The following BIN3 variants were observed in gnomAD, a reference collection of about 807,000 sequenced individuals.
BIN3 encodes the protein bridging integrator 3.
Under a neutral mutation model 38.2 loss-of-function variants are expected in BIN3, and 41 were observed. The ratio of observed to expected loss-of-function variants is 1.07; its 90% CI spans 0.84 to 1.39. BIN3 has a LOEUF of 1.39. Ranked by LOEUF, BIN3 falls within the 40% of genes most tolerant of loss-of-function variation. BIN3 has a pLI of 0.00. For missense variants in BIN3, 361 were observed against 324.3 expected (o/e 1.11, Z -0.87); for synonymous variants, 145 against 122.6 (o/e 1.18, Z -1.21).
chr8:22,623,866 C>T (rs1801920003), intron 8 of BIN3, 49 bp downstream of exon 8: 1 of 1,589,568 alleles, frequency 6.3e-7, no homozygotes, highest in Admixed American at 1.7e-5. Context: ...CAGGGAGTGG[C>T]ATGAGCTGTG....
intron 1 of BIN3, among the ~76,000 whole-genome samples, chr8:22,656,203 T>TAA (rs1563980288): frequency 3.2e-4 from 47 of 149,042 alleles, no homozygotes; most frequent in African/African-American, 1.1e-3. Flanking sequence ...CAAGCCTTTT[T>TAA]ATCTCCCTTG....
chr8:22,666,965 G>C (rs1803441424), intron 1 of BIN3, among the ~76,000 whole-genome samples: 2 of 152,192 alleles, frequency 1.3e-5, no homozygotes, highest in Admixed American at 1.3e-4. Context: ...GAGTGAATCA[G>C]AAGGACCCAG....
At chr8:22,644,336 C>G (rs1054471402) in intron 2 of BIN3, among the ~76,000 whole-genome samples, 2 of 152,250 alleles carry the variant, frequency 1.3e-5, no homozygotes, top group Non-Finnish European at 2.9e-5. Flanking sequence ...GCCGAGGCCA[C>G]TGGGAAAAGC....
intron 6 of BIN3, chr8:22,625,494 A>C: frequency 1.5e-6 from 1 of 688,100 alleles, no homozygotes; most frequent in Non-Finnish European, 2.7e-6. Flanking sequence ...ATAGGCACTC[A>C]GAGTTGAGAG....
chr8:22,658,473 G>A (rs1438093017), intron 1 of BIN3, among the ~76,000 whole-genome samples: 1 of 152,236 alleles, frequency 6.6e-6, no homozygotes, highest in East Asian at 1.9e-4. Flanking sequence ...CCCTGCTCTT[G>A]TGTAATGTCT....
chr8:22,630,419 A>G, intron 5 of BIN3, 23 bp downstream of exon 5: 4 of 1,612,992 alleles, frequency 2.5e-6, no homozygotes, highest in South Asian at 1.1e-5. Flanking sequence ...ATGCTTGCCC[A>G]CCCCACACCA....
chr8:22,650,138 A>T (rs924323998), intron 1 of BIN3, among the ~76,000 whole-genome samples: 3 of 152,184 alleles, frequency 2.0e-5, no homozygotes, highest in African/African-American at 7.2e-5. Flanking sequence ...TTTTTCTTCT[A>T]TTATGAACAA....
At chr8:22,654,283 G>C (rs533474527) in intron 1 of BIN3, among the ~76,000 whole-genome samples, 4 of 152,262 alleles carry the variant, frequency 2.6e-5, no homozygotes, top group African/African-American at 4.8e-5. Flanking sequence ...GGATTTGTGA[G>C]GGAGATAAAT....
At chr8:22,636,045 G>T (rs1176849466) in intron 4 of BIN3, among the ~76,000 whole-genome samples, 2 of 152,164 alleles carry the variant, frequency 1.3e-5, no homozygotes, top group Non-Finnish European at 2.9e-5. Flanking sequence ...GGTGCCCTTT[G>T]TCATCATAGA....
chr8:22,649,345 A>G (rs1206444703), intron 1 of BIN3, among the ~76,000 whole-genome samples: 2 of 149,250 alleles, frequency 1.3e-5, no homozygotes, highest in Non-Finnish European at 3.0e-5. Flanking sequence ...TCTACCCTTT[A>G]CAGTTAATTA....
intron 1 of BIN3, among the ~76,000 whole-genome samples, chr8:22,667,534 T>C (rs1803460660): frequency 2.0e-5 from 3 of 152,274 alleles, no homozygotes; most frequent in African/African-American, 7.2e-5. Context: ...CAAAAGGATA[T>C]CTATATTGCA....
chr8:22,669,026 C>A lies in BIN3; in HGVS notation c.8+18G>T. 1.9e-6 allele frequency: 3 copies of A among 1,578,366 alleles called. No individual in the cohort carries two copies. The highest frequency in any genetic ancestry group is 2.6e-6 in the Non-Finnish European group (3 of 1,162,506). ...GGTCCGCGGGTCCAGCAGCTCCCGC[C>A]GCCTGGGCCTCACTCACCAGCTCAT... On this transcript the variant is annotated intron_variant, in intron 1 of 8. Transcript: ENST00000276416.
At chr8:22,627,681 C>A (rs1802045445) in intron 6 of BIN3, among the ~76,000 whole-genome samples, 1 of 152,232 alleles carries the variant, frequency 6.6e-6, no homozygotes, top group Admixed American at 6.5e-5. Context: ...CCACCTCAGC[C>A]CACCAAAACC....
chr8:22,635,577 C>G (rs2117532454), intron 4 of BIN3, among the ~76,000 whole-genome samples: 1 of 152,236 alleles, frequency 6.6e-6, no homozygotes, highest in South Asian at 2.1e-4. Flanking sequence ...ACCCCGAGAG[C>G]TGACCCGTGC....
intron 1 of BIN3, among the ~76,000 whole-genome samples, chr8:22,658,105 G>C (rs995710281): frequency 6.6e-6 from 1 of 152,338 alleles, no homozygotes; most frequent in African/African-American, 2.4e-5. Context: ...AGAGGGTTCT[G>C]CGCTCTCTGC....
intron 1 of BIN3, among the ~76,000 whole-genome samples, chr8:22,645,057 C>T (rs1802673360): frequency 1.3e-5 from 2 of 151,884 alleles, no homozygotes; most frequent in Non-Finnish European, 2.9e-5. Flanking sequence ...TACTGATAGT[C>T]TGTCATTTAA....
intron 1 of BIN3, among the ~76,000 whole-genome samples, chr8:22,645,796 T>C (rs1488384197): frequency 2.6e-5 from 4 of 152,200 alleles, no homozygotes; most frequent in Admixed American, 1.3e-4. Flanking sequence ...CAAATCTTCT[T>C]TGGAGGCTGG....
At chr8:22,636,734 C>T in intron 3 of BIN3, 148 bp from the exon 4 acceptor site, 2 of 1,007,264 alleles carry the variant, frequency 2.0e-6, no homozygotes, top group South Asian at 1.4e-5. Flanking sequence ...CCACTACACC[C>T]AAAGGCTATG....
chr8:22,669,009 G>A (rs1803519230), intron 1 of BIN3, 35 bp downstream of exon 1: 1 of 1,567,786 alleles, frequency 6.4e-7, no homozygotes, highest in Non-Finnish European at 8.6e-7. Flanking sequence ...CGGGTCCGCG[G>A]GTCCAGCAGC....
Sources: allele counts gnomAD v4.1 joint callset (sites outside exome capture counted in the v4.1 genomes callset), GRCh38; gene constraint gnomAD v4.1.1; transcripts MANE v1.5; gene names NCBI Gene and HGNC (gene_info 2026-07-23, HGNC 2026-07-21).